Variants in SUMF2 observed in about 807,000 individuals in gnomAD.
SUMF2 encodes sulfatase modifying factor 2, also known as inactive C-alpha-formylglycine-generating enzyme 2.
In SUMF2, 45 loss-of-function variants were observed where a neutral mutation model predicts 44.8. The ratio of observed to expected loss-of-function variants is 1.00; its 90% confidence interval spans 0.79 to 1.29. SUMF2 has a LOEUF of 1.29. Among genes scored for constraint, SUMF2 ranks in the 50% most tolerant of loss-of-function variants. SUMF2 has a pLI of 0.00. For missense variants in SUMF2, 418 were observed against 389.9 expected (o/e 1.07, Z -0.61); for synonymous variants, 148 against 150.4 (o/e 0.98, Z 0.12).
chr7:56,068,378 G>T (rs1794948148), intron 1 of SUMF2, 104 bp from the exon 2 acceptor site: 1 of 1,167,720 alleles, frequency 8.6e-7, no homozygotes, highest in Admixed American at 3.2e-5. Flanking sequence ...CACATTTTTT[G>T]TTGTGTTTTG....
chr7:56,064,318 C>T lies in SUMF2; in HGVS notation c.7C>T (p.Arg3Trp), dbSNP rs369214641. Reference sequence around the variant, plus strand: ...GCGCAGCGCGGCAGTCCTGATGGCCCGGCATGGGTTACCGCTGCTGCCCCT... The same window carrying T: ...GCGCAGCGCGGCAGTCCTGATGGCCTGGCATGGGTTACCGCTGCTGCCCCT... MA[R>W]HGLPLLPLLS... is the part of the protein sequence containing the mutation. The change falls in exon 1 of 9, where the codon CGG (arginine) becomes TGG (tryptophan). Residue 3 changes from arginine (R) to tryptophan (W), a missense_variant. By Grantham distance (101) the Arg-to-Trp change is moderately radical. Transcript: ENST00000434526. 337 of 1,595,070 alleles carry T rather than the reference C, an allele frequency of 2.1e-4. No individual in the cohort carries two copies. Among genetic ancestry groups the T allele is most frequent in the Non-Finnish European group, 2.7e-4 (312 of 1,171,304 alleles).
chr7:56,079,090 T>C, intron 8 of SUMF2: 1 of 523,568 alleles, frequency 1.9e-6, no homozygotes, highest in South Asian at 2.9e-5. Context: ...CCTAGGTTTG[T>C]CTCATACTCC....
intron 3 of SUMF2, 34 bp downstream of exon 3, chr7:56,073,145 G>A (rs1795289978): frequency 6.5e-7 from 1 of 1,543,612 alleles, no homozygotes. Context: ...TGAGGGGATA[G>A]GAGTGGGACC....
chr7:56,084,130 G>A (rs1375729725), downstream of SUMF2: 5 of 1,402,534 alleles, frequency 3.6e-6, no homozygotes, highest in Non-Finnish European at 4.9e-6. Flanking sequence ...CCCCGAGCTG[G>A]TGGCCCTGTG....
intron 1 of SUMF2, among the ~76,000 whole-genome samples, chr7:56,065,048 C>T (rs12535749): frequency 0.18 from 26,475 of 151,170 alleles, 2,602 homozygotes; most frequent in Admixed American, 0.24. Flanking sequence ...AAAAATTAGC[C>T]GGGCGTGATG....
chr7:56,083,648 A>C, downstream of SUMF2: 1 of 1,579,560 alleles, frequency 6.3e-7, no homozygotes, highest in Non-Finnish European at 8.6e-7. Flanking sequence ...AGGGACCCTC[A>C]CCTGGTTTCC....
At chr7:56,082,547 C>T (rs1175503457), downstream of SUMF2, among the ~76,000 whole-genome samples, 2 of 151,760 alleles carry the variant, frequency 1.3e-5, no homozygotes, top group African/African-American at 4.8e-5. Context: ...GAGCTGAGAT[C>T]GCCCCACTTC....
Position 56,073,131 on chromosome 7 carries a change from C to T in SUMF2, c.339+20C>T, listed in dbSNP as rs1795289120. 4 of 1,586,660 alleles carry T rather than the reference C, an allele frequency of 2.5e-6. No individual in the cohort carries two copies. The highest frequency in any genetic ancestry group is 1.1e-5 in the South Asian group (1 of 90,464). ...ATGAAGGTGAGAGAACCTGGTCTTG[C>T]AGCTGAGGGGATAGGAGTGGGACCT... On this transcript the variant is annotated intron_variant, in intron 3 of 8. Coordinates refer to ENST00000434526, the MANE Select transcript of SUMF2 (RefSeq NM_015411.4).
chr7:56,084,234 T>C (rs578227926), downstream of SUMF2: 3 of 1,527,248 alleles, frequency 2.0e-6, no homozygotes, highest in Non-Finnish European at 2.6e-6. Context: ...ATTGTATCAG[T>C]GTCTTCCCAT....
At chr7:56,083,832 C>T (rs1168404337), downstream of SUMF2, 23 of 734,624 alleles carry the variant, frequency 3.1e-5, no homozygotes, top group Non-Finnish European at 3.9e-5. Context: ...GGCCACTCTC[C>T]GTGGAGAACC....
the SUMF2 span, chr7:56,086,754 C>G: frequency 1.2e-5 from 7 of 564,244 alleles, no homozygotes; most frequent in Non-Finnish European, 1.6e-5. Context: ...ATGAGAAAAC[C>G]AAGATTTAAA....
At chr7:56,081,135 C>T (rs546567087), downstream of SUMF2, 100 of 1,613,868 alleles carry the variant, frequency 6.2e-5, 1 homozygote, top group South Asian at 9.9e-4. The surrounding 1 kb of genome is among the most constrained non-coding windows in gnomAD (Gnocchi z 4.6). Flanking sequence ...GCTGCTGCCC[C>T]TTCTTCACCC....
chr7:56,081,555 G>A (rs1212680873), downstream of SUMF2: 15 of 1,539,172 alleles, frequency 9.7e-6, no homozygotes, highest in East Asian at 2.9e-4. This position sits in a 1 kb window ranked among gnomAD's most constrained non-coding sequence, Gnocchi z 4.6. Flanking sequence ...CGGGGTGTAA[G>A]GACTCCTGGG....
chr7:56,069,971 C>T (rs1378191475), intron 2 of SUMF2, among the ~76,000 whole-genome samples: 2 of 151,998 alleles, frequency 1.3e-5, no homozygotes, highest in Non-Finnish European at 2.9e-5. Flanking sequence ...TGCAATGGTG[C>T]GATCTCAGCT....
chr7:56,068,718 T>G, intron 2 of SUMF2, 80 bp downstream of exon 2: 1 of 1,491,458 alleles, frequency 6.7e-7, no homozygotes, highest in Non-Finnish European at 8.9e-7. Flanking sequence ...TTTTTTTGTT[T>G]TTTGAGACTG....
downstream of SUMF2, chr7:56,083,598 T>G (rs1053860399): frequency 1.3e-6 from 2 of 1,525,656 alleles, no homozygotes; most frequent in South Asian, 2.3e-5. Flanking sequence ...CCAGTGCCTG[T>G]GGCCCTAAGC....
chr7:56,083,410 A>G, downstream of SUMF2: 1 of 1,614,190 alleles, frequency 6.2e-7, no homozygotes, highest in South Asian at 1.1e-5. Context: ...TGCAAGGTGC[A>G]GATCACCTCC....
At chr7:56,074,060 C>T (rs1795365779) in intron 3 of SUMF2, 114 bp from the exon 4 acceptor site, 1 of 629,064 alleles carries the variant, frequency 1.6e-6, no homozygotes, top group Admixed American at 2.0e-5. Flanking sequence ...CACAACCTCA[C>T]TTAGACCACC....
In SUMF2 at chr7:56,064,363, G is replaced by A. The variant is rs780961128; in HGVS notation, c.52G>A (p.Ala18Thr). ...LLPLLSLLVG[A>T]WLKLGNGQAT... is the part of the protein sequence containing the mutation. ...GCCCCTGCTGTCGCTCCTGGTCGGC[G>A]CGTGGCTCAAGCTAGGTCAGTGAAC... Residue 18 changes from alanine (A) to threonine (T), a missense_variant, in exon 1 of 9, where the codon GCG becomes ACG. By Grantham distance (58) the Ala-to-Thr change is moderately conservative (BLOSUM62 0). Coordinates refer to ENST00000434526, the MANE Select transcript of SUMF2 (RefSeq NM_015411.4). 6.2e-7 allele frequency: 1 copy of A among 1,604,426 alleles called. No homozygotes were observed. The highest frequency in any genetic ancestry group is 1.1e-5 in the South Asian group (1 of 89,476).
Sources: gnomAD v4.1 joint callset for allele counts (sites outside exome capture counted in the v4.1 genomes callset) on GRCh38, gnomAD v4.1.1 for gene constraint, Gnocchi (gnomAD v3.1) non-coding constraint, MANE v1.5 for transcripts, NCBI Gene and HGNC (gene_info 2026-07-23, HGNC 2026-07-21) for gene names.